Variants in CNTN5 observed in about 807,000 individuals in gnomAD.
The protein encoded by CNTN5 is contactin-5.
Under a neutral mutation model 129.1 loss-of-function variants are expected in CNTN5, and 77 were observed. The ratio of observed to expected loss-of-function variants is 0.60; its 90% CI spans 0.50 to 0.72. The LOEUF is 0.72. Among genes scored for constraint, CNTN5 ranks in the 30% least tolerant of loss-of-function variants. CNTN5 has a pLI of 0.00. For missense variants in CNTN5, 1,478 were observed against 1,328.8 expected, an observed-to-expected ratio of 1.11 and a Z score of -1.75; for synonymous variants, 509 against 465.6, an observed-to-expected ratio of 1.09 and a Z score of -1.20.
At chr11:99,312,644 C>T (rs575220176) in intron 1 of CNTN5, among the ~76,000 whole-genome samples, 14 of 152,226 alleles carry the variant, frequency 9.2e-5, no homozygotes, top group African/African-American at 3.4e-4. Context: ...TTCTATATCT[C>T]TGTTCTGCAT....
intron 1 of CNTN5, among the ~76,000 whole-genome samples, chr11:99,137,321 G>A (rs1446392202): frequency 6.6e-6 from 1 of 152,138 alleles, no homozygotes; most frequent in Non-Finnish European, 1.5e-5. Context: ...GTTGCAAAGG[G>A]TATTTCTAGA....
intron 6 of CNTN5, among the ~76,000 whole-genome samples, chr11:99,850,625 T>C (rs1032880131): frequency 5.9e-5 from 9 of 152,152 alleles, no homozygotes; most frequent in African/African-American, 2.2e-4. Context: ...GATTTTTTTT[T>C]ACTTGCTGTG....
chr11:100,134,080 A>T (rs1011553890), intron 13 of CNTN5, among the ~76,000 whole-genome samples: 1 of 152,154 alleles, frequency 6.6e-6, no homozygotes, highest in African/African-American at 2.4e-5. Flanking sequence ...CAAATAAATG[A>T]TATCTTTAAA....
At chr11:99,637,034 A>AAAAAAAAAAAT (rs1245614185) in intron 3 of CNTN5, among the ~76,000 whole-genome samples, 1 of 143,752 alleles carries the variant, frequency 7.0e-6, no homozygotes, top group African/African-American at 2.5e-5. Flanking sequence ...AAAAAAAAAA[A>AAAAAAAAAAAT]AAAAAAAGTA....
At chr11:100,271,385 T>G in intron 18 of CNTN5, 144 bp downstream of exon 18, 3 of 497,230 alleles carry the variant, frequency 6.0e-6, no homozygotes. Flanking sequence ...ATTATTTTCT[T>G]TAAAATAATT....
chr11:99,659,094 G>A (rs1361490000), intron 3 of CNTN5, among the ~76,000 whole-genome samples: 1 of 151,908 alleles, frequency 6.6e-6, no homozygotes, highest in African/African-American at 2.4e-5. Flanking sequence ...CTTACTCATG[G>A]GCTTTGGAGG....
chr11:99,565,149 A>G (rs771079800), intron 3 of CNTN5, among the ~76,000 whole-genome samples: 4 of 152,176 alleles, frequency 2.6e-5, no homozygotes, highest in Non-Finnish European at 4.4e-5. Context: ...CATGCTGAGC[A>G]CTTTCAACTT....
At chr11:99,182,556 T>G (rs1015946353) in intron 1 of CNTN5, among the ~76,000 whole-genome samples, 1 of 151,986 alleles carries the variant, frequency 6.6e-6, no homozygotes, top group Non-Finnish European at 1.5e-5. Flanking sequence ...ACATGGTGAG[T>G]GTATCAAGAA....
intron 15 of CNTN5, among the ~76,000 whole-genome samples, chr11:100,200,918 T>C (rs1457919448): frequency 6.6e-6 from 1 of 151,968 alleles, no homozygotes; most frequent in Non-Finnish European, 1.5e-5. Context: ...TTTGTGTTTT[T>C]CCAATGTTGT....
chr11:100,166,520 A>T (rs1360963845), intron 13 of CNTN5, among the ~76,000 whole-genome samples: 1 of 151,788 alleles, frequency 6.6e-6, no homozygotes, highest in Non-Finnish European at 1.5e-5. Flanking sequence ...GTTAATACTA[A>T]TGTATTCTAT....
chr11:99,224,858 G>A (rs574239523), intron 1 of CNTN5, among the ~76,000 whole-genome samples: 14 of 151,764 alleles, frequency 9.2e-5, no homozygotes, highest in African/African-American at 3.4e-4. Flanking sequence ...CTTGGGTCTG[G>A]GATGATTCCC....
chr11:99,116,453 C>T (rs1276374462), intron 1 of CNTN5, among the ~76,000 whole-genome samples: 2 of 151,996 alleles, frequency 1.3e-5, no homozygotes, highest in African/African-American at 4.8e-5. Context: ...TTATGTGCTT[C>T]GTGGTATAGC....
At chr11:99,631,571 C>CT (rs1337774801) in intron 3 of CNTN5, among the ~76,000 whole-genome samples, 1 of 151,752 alleles carries the variant, frequency 6.6e-6, no homozygotes, top group Non-Finnish European at 1.5e-5. Context: ...GTTGTATTTA[C>CT]TTTTTTGTGA....
At chr11:99,757,969 T>C (rs1018195244) in intron 3 of CNTN5, among the ~76,000 whole-genome samples, 1 of 152,116 alleles carries the variant, frequency 6.6e-6, no homozygotes, top group African/African-American at 2.4e-5. Flanking sequence ...GCAGCTTCTT[T>C]CTTTTATAAA....
chr11:99,372,642 A>C (rs771420378), intron 2 of CNTN5, among the ~76,000 whole-genome samples: 2 of 152,192 alleles, frequency 1.3e-5, no homozygotes, highest in African/African-American at 4.8e-5. Flanking sequence ...GCTGGAAATC[A>C]GTGCCTAATG....
At position 99,434,322 on chromosome 11, in the gene CNTN5, A is replaced by G. The variant is rs184401699; in HGVS notation, c.-71+108838A>G. 1.2e-4 allele frequency among the ~76,000 whole-genome samples: 18 copies of G among 152,310 alleles called. No individual in the cohort carries two copies. In the East Asian group the frequency reaches 2.5e-3, roughly 21 times the overall value. ...TTGGAAATATTTTGCCATTTCTAAA[A>G]TGATGTATGAAAATTAGCAATATTC... is the stretch of plus-strand genomic sequence containing the variant. On this transcript the variant is annotated intron_variant, in intron 2 of 24. Coordinates refer to ENST00000524871, the MANE Select transcript of CNTN5 (RefSeq NM_014361.4).
At chr11:100,051,673 A>G (rs4753965) in intron 9 of CNTN5, among the ~76,000 whole-genome samples, 49,953 of 151,350 alleles carry the variant, frequency 0.33, 8,673 homozygotes, top group East Asian at 0.48. Context: ...AGTAAAACTC[A>G]AATCTCATTT....
intron 1 of CNTN5, among the ~76,000 whole-genome samples, chr11:99,115,747 C>T (rs960922044): frequency 6.6e-6 from 1 of 151,912 alleles, no homozygotes; most frequent in South Asian, 2.1e-4. Context: ...GCAACAAGAG[C>T]GAAACTCCGT....
In CNTN5 at chr11:99,769,952, G is replaced by T. The variant is rs1010736260; in HGVS notation, c.56-49592G>T. ...GATACAGGTTAAGTCTGGAATGTAT[G>T]TAAGTTGGTGTTATTTGTTTTACAT... is the stretch of plus-strand genomic sequence containing the variant. On this transcript the variant is annotated intron_variant, in intron 3 of 24. Transcript: ENST00000524871. 2.0e-5 allele frequency among the ~76,000 whole-genome samples: 3 copies of T among 152,104 alleles called. No homozygotes were observed. The South Asian group carries it at 6.2e-4, about 32-fold the overall frequency.
Sources: gnomAD v4.1 joint callset for allele counts (sites outside exome capture counted in the v4.1 genomes callset) on GRCh38, gnomAD v4.1.1 for gene constraint, MANE v1.5 for transcripts, NCBI Gene and HGNC (gene_info 2026-07-23, HGNC 2026-07-21) for gene names.